The following KCNN2 variants were observed in gnomAD, a reference collection of about 807,000 sequenced individuals.
The protein encoded by KCNN2 is potassium calcium-activated channel subfamily N member 2, also known as small conductance calcium-activated potassium channel protein 2.
In KCNN2, 24 loss-of-function variants were observed where a neutral mutation model predicts 55.5. The ratio of observed to expected loss-of-function variants is 0.43; its 90% CI spans 0.31 to 0.61. The LOEUF (loss-of-function observed/expected upper bound fraction) is 0.61. KCNN2 is among the 20% of genes least tolerant of loss of function. KCNN2 has a pLI of 0.08. For synonymous variants in KCNN2, 431 were observed against 336.1 expected (o/e 1.28, Z -3.09); for missense variants, 754 against 853.6 (o/e 0.88, Z 1.45).
intron 1 of KCNN2, among the ~76,000 whole-genome samples, chr5:114,113,504 T>A (rs915590593): frequency 2.0e-5 from 3 of 151,980 alleles, no homozygotes; most frequent in African/African-American, 7.2e-5. Flanking sequence ...AAAAGACAGA[T>A]TAACAGGAGA....
chr5:114,262,241 T>G (rs146832499), intron 2 of KCNN2, among the ~76,000 whole-genome samples: 5 of 152,328 alleles, frequency 3.3e-5, no homozygotes, highest in East Asian at 3.9e-4. Context: ...AAGAAAGCAG[T>G]CTTCTTCCAT....
At chr5:114,269,487 T>C (rs1196867996) in intron 2 of KCNN2, among the ~76,000 whole-genome samples, 5 of 120,088 alleles carry the variant, frequency 4.2e-5, no homozygotes, top group African/African-American at 6.5e-5. Flanking sequence ...CTCCCAGTGG[T>C]TCTCACCTTT....
intron 2 of KCNN2, among the ~76,000 whole-genome samples, chr5:114,303,978 G>T (rs1241440059): frequency 6.6e-6 from 1 of 152,126 alleles, no homozygotes; most frequent in Non-Finnish European, 1.5e-5. Flanking sequence ...AAAAGTTTGG[G>T]CTGGGATATA....
At chr5:114,084,298 A>G (rs895778441) in intron 1 of KCNN2, among the ~76,000 whole-genome samples, 21 of 152,072 alleles carry the variant, frequency 1.4e-4, no homozygotes, top group African/African-American at 4.6e-4. Context: ...ATTTACACCA[A>G]CAATGAAGTT....
At chr5:114,196,700 T>G (rs568384723) in intron 1 of KCNN2, among the ~76,000 whole-genome samples, 1 of 152,222 alleles carries the variant, frequency 6.6e-6, no homozygotes, top group South Asian at 2.1e-4. Flanking sequence ...TTAGCAATAT[T>G]CTGATTTTAG....
chr5:114,220,900 A>G (rs1754124750), intron 1 of KCNN2, among the ~76,000 whole-genome samples: 1 of 152,128 alleles, frequency 6.6e-6, no homozygotes, highest in Admixed American at 6.5e-5. Context: ...GTTCCAACAT[A>G]TTCCTGGTAT....
At chr5:114,122,144 G>A (rs935216430) in intron 1 of KCNN2, among the ~76,000 whole-genome samples, 1 of 152,218 alleles carries the variant, frequency 6.6e-6, no homozygotes, top group Non-Finnish European at 1.5e-5. Context: ...ATGATGTGGT[G>A]TTAGGAGTAA....
intron 1 of KCNN2, among the ~76,000 whole-genome samples, chr5:114,069,510 T>C (rs1212233964): frequency 6.6e-6 from 1 of 151,246 alleles, no homozygotes; most frequent in Non-Finnish European, 1.5e-5. Flanking sequence ...GCTCAGGATA[T>C]TTTTTTTTCT....
At chr5:114,238,515 A>G (rs912475299) in intron 2 of KCNN2, among the ~76,000 whole-genome samples, 16 of 151,710 alleles carry the variant, frequency 1.1e-4, no homozygotes, top group Non-Finnish European at 2.1e-4. Flanking sequence ...AGTCCCAGCT[A>G]CTCGGGGGAC....
At chr5:114,279,312 T>C (rs527857476) in intron 2 of KCNN2, among the ~76,000 whole-genome samples, 3 of 152,094 alleles carry the variant, frequency 2.0e-5, no homozygotes, top group African/African-American at 7.2e-5. Context: ...TTCTTTTTTT[T>C]TTATTATACT....
At chr5:114,391,107 G>A (rs536351409) in intron 2 of KCNN2, among the ~76,000 whole-genome samples, 2 of 152,200 alleles carry the variant, frequency 1.3e-5, no homozygotes, top group Admixed American at 6.5e-5. Context: ...AGGAAATGAC[G>A]AGAATACTTC....
intron 2 of KCNN2, among the ~76,000 whole-genome samples, chr5:114,262,094 G>T (rs2150004632): frequency 6.6e-6 from 1 of 152,252 alleles, no homozygotes; most frequent in Non-Finnish European, 1.5e-5. Context: ...AGACTCATGT[G>T]TCAATTTATA....
intron 1 of KCNN2, among the ~76,000 whole-genome samples, chr5:114,066,216 C>A (rs891409934): frequency 6.6e-6 from 1 of 152,210 alleles, no homozygotes; most frequent in South Asian, 2.1e-4. Context: ...AGAACTTTCT[C>A]TCTTTCTCTG....
chr5:114,280,468 A>G (rs3101087), intron 2 of KCNN2, among the ~76,000 whole-genome samples: 35,244 of 152,034 alleles, frequency 0.23, 4,430 homozygotes, highest in Middle Eastern at 0.3. Flanking sequence ...ATCTTGAATT[A>G]ATTTTTGTAT....
At chr5:114,428,123 A>G (rs1004238794) in intron 3 of KCNN2, among the ~76,000 whole-genome samples, 2 of 152,170 alleles carry the variant, frequency 1.3e-5, no homozygotes, top group Non-Finnish European at 2.9e-5. Context: ...TCCTCTGTTT[A>G]TATCTTTCAT....
chr5:114,225,319 C>G (rs960872776), intron 2 of KCNN2, among the ~76,000 whole-genome samples: 5 of 152,120 alleles, frequency 3.3e-5, no homozygotes, highest in Admixed American at 2.0e-4. Context: ...GAGACTAAGA[C>G]AGATATTAAA....
At chr5:114,360,153 C>G (rs1757375953), upstream of KCNN2, among the ~76,000 whole-genome samples, 2 of 152,142 alleles carry the variant, frequency 1.3e-5, no homozygotes, top group Non-Finnish European at 1.5e-5. Context: ...AGCTCAAGTC[C>G]AGGGCTACGG....
At position 114,487,308 on chromosome 5, in the gene KCNN2, G is replaced by A. The variant is rs989126865; in HGVS notation, c.2018+131G>A. On this transcript the variant is annotated intron_variant, in intron 6 of 7. Coordinates refer to ENST00000673685, the MANE Select transcript of KCNN2 (RefSeq NM_021614.4). ...TGTTTATTCCCAGAAGATGTTATCT[G>A]GCAATCTAATCATTCCACAATAAGA... 1.4e-5 allele frequency: 11 copies of A among 778,556 alleles called. No individual in the cohort carries two copies. In the African/African-American group the frequency reaches 1.9e-4, roughly 14 times the overall value. The allele number at this position is 778,556 out of a possible 1,614,324, so 48.2% of individuals were successfully genotyped here.
chr5:114,064,351 A>G (rs529904780), intron 1 of KCNN2, among the ~76,000 whole-genome samples: 1 of 152,270 alleles, frequency 6.6e-6, no homozygotes, highest in South Asian at 2.1e-4. Flanking sequence ...GAGGCTTCTG[A>G]GCCCAGGCCT....
Sources: gnomAD v4.1 joint callset for allele counts (sites outside exome capture counted in the v4.1 genomes callset) on GRCh38, gnomAD v4.1.1 for gene constraint, MANE v1.5 for transcripts, NCBI Gene and HGNC (gene_info 2026-07-23, HGNC 2026-07-21) for gene names.